The following CEP192 variants were observed in gnomAD, a reference collection of about 807,000 sequenced individuals.
CEP192 encodes centrosomal protein 192, also known as centrosomal protein of 192 kDa.
Under a neutral mutation model 271.8 loss-of-function variants are expected in CEP192, and 151 were observed. The ratio of observed to expected loss-of-function variants is 0.56; its 90% CI spans 0.49 to 0.64. The LOEUF (loss-of-function observed/expected upper bound fraction) is 0.64. Among genes scored for constraint, CEP192 ranks in the 30% least tolerant of loss-of-function variants. CEP192 has a pLI of 0.00. For missense variants in CEP192, 2,910 were observed against 3,020.5 expected, an observed-to-expected ratio of 0.96 and a Z score of 0.86; for synonymous variants, 995 against 1,076.5, an observed-to-expected ratio of 0.92 and a Z score of 1.48.
chr18:13,053,010 G>C lies in CEP192; in HGVS notation c.3109G>C (p.Val1037Leu), dbSNP rs773954388. Residue 1037 changes from valine to leucine, a missense_variant, in exon 18 of 45, where the codon GTG becomes CTG. Val to Leu is a conservative substitution (Grantham distance 32). Transcript: ENST00000506447. ...TCCCTTGGTGTGCTCGCCTGCTGGG[G>C]TGAGCAGGCTGACGTATGTGTCTGA... The part of the protein sequence containing the change: ...LSPLVCSPAG[V>L]SRLTYVSEPE... The C allele has an allele frequency of 3.0e-5, 48 of 1,613,886 alleles. No homozygotes were observed. The East Asian group carries it at 1.0e-3, about 35-fold the overall frequency.
intron 32 of CEP192, chr18:13,088,841 C>T (rs1215057373): frequency 2.3e-6 from 1 of 428,736 alleles, no homozygotes; most frequent in African/African-American, 2.0e-5. Context: ...TGCCTTTGAA[C>T]CTGGTTTTGT....
intron 14 of CEP192, among the ~76,000 whole-genome samples, chr18:13,041,602 G>T (rs2036209381): frequency 1.4e-5 from 2 of 147,052 alleles, no homozygotes. Context: ...TTTTGAGACA[G>T]AGTCTCTCTC....
chr18:13,039,721 T>C (rs1196682502), intron 13 of CEP192, among the ~76,000 whole-genome samples: 3 of 152,102 alleles, frequency 2.0e-5, no homozygotes, highest in Non-Finnish European at 4.4e-5. Flanking sequence ...AGGAAGTGCT[T>C]AGAGGCACAG....
chr18:13,018,122 C>G (rs1405886717), intron 7 of CEP192, among the ~76,000 whole-genome samples: 1 of 152,180 alleles, frequency 6.6e-6, no homozygotes, highest in African/African-American at 2.4e-5. Context: ...TTGCCCTACA[C>G]CGGGAGACGT....
chr18:13,124,932 T>C lies in CEP192; in HGVS notation c.*162T>C. On this transcript the variant is annotated 3_prime_UTR_variant, in exon 45 of 45. Coordinates refer to ENST00000506447, the MANE Select transcript of CEP192 (RefSeq NM_032142.4). ...TAATACTGAAGACTCGACTGAAATA[T>C]TATGTATCTAGCCCATAGTATTGTA... is the stretch of plus-strand genomic sequence containing the variant. 2 of 578,208 alleles carry C rather than the reference T, an allele frequency of 3.5e-6. No individual in the cohort carries two copies. The highest frequency in any genetic ancestry group is 6.0e-6 in the Non-Finnish European group (2 of 331,536). The allele number at this position is 578,208 out of a possible 1,614,324, so 35.8% of individuals were successfully genotyped here.
Position 13,068,853 on chromosome 18 carries a change from T to C in CEP192, c.4824T>C (p.Asp1608=). 1 of 1,614,132 alleles carries C rather than the reference T, an allele frequency of 6.2e-7. No individual in the cohort carries two copies. Among genetic ancestry groups the C allele is most frequent in the Non-Finnish European group, 8.5e-7 (1 of 1,180,018 alleles). Residue 1608 remains aspartate (D), a splice_region_variant and synonymous_variant, in exon 25 of 45, where the codon GAT becomes GAC. Transcript: ENST00000506447. The stretch of plus-strand genomic sequence containing the variant: ...CTAAAAGAATGAACTTTTTTTTAGA[T>C]ATTCTGGACTCAGCAGAAGAATTCT... The part of the protein sequence containing the change: ...HSPKKQISSS[D]ILDSAEEFSA...
In CEP192 at chr18:13,068,857, C is replaced by T. The variant is rs767426277; in HGVS notation, c.4828C>T (p.Leu1610=). 11 of 1,614,068 alleles carry T rather than the reference C, an allele frequency of 6.8e-6. No individual in the cohort carries two copies. In the Admixed American group the frequency reaches 1.8e-4, roughly 27 times the overall value. ...PKKQISSSDI[L]DSAEEFSAKV... is the part of the protein sequence containing the mutation. ...AAGAATGAACTTTTTTTTAGATATT[C>T]TGGACTCAGCAGAAGAATTCTCGGC... is the stretch of plus-strand genomic sequence containing the variant. The change falls in exon 25 of 45, where the codon CTG becomes TTG. Residue 1610 remains leucine, a synonymous_variant. Coordinates refer to ENST00000506447, the MANE Select transcript of CEP192 (RefSeq NM_032142.4).
In CEP192 at chr18:13,037,274, AT is replaced by A; in HGVS notation, c.1575del (p.Phe525LeufsTer13). On this transcript the variant is annotated frameshift_variant, in exon 12 of 45. Coordinates refer to ENST00000506447, the MANE Select transcript of CEP192 (RefSeq NM_032142.4). LOFTEE classifies it high-confidence loss of function. The part of the protein sequence containing the change: ...FDLIAQDEEE[F>X]NKEHQFIQEE... ...ATTTGATTGCACAAGATGAAGAAGAATTTAATAAAGAGCATCAATTTATACA... is the reference window on the plus strand; with the variant it reads ...ATTTGATTGCACAAGATGAAGAAGAATTAATAAAGAGCATCAATTTATACA... 1 of 1,375,948 alleles carries A rather than the reference AT, an allele frequency of 7.3e-7. No homozygotes were observed. The highest frequency in any genetic ancestry group is 1.0e-6 in the Non-Finnish European group (1 of 990,794). The allele number at this position is 1,375,948 out of a possible 1,614,324, so 85.2% of individuals were successfully genotyped here. A position where few individuals can be genotyped will look rare whatever the true frequency, so the allele number is the denominator to read the frequency against.
In CEP192 at chr18:13,100,602, A is replaced by G. The variant is rs931187064; in HGVS notation, c.6871+90A>G. The G allele has an allele frequency of 2.9e-6, 3 of 1,032,462 alleles. No homozygotes were observed. The South Asian group carries it at 4.5e-5, about 16-fold the overall frequency. The allele number at this position is 1,032,462 out of a possible 1,614,324, so 64.0% of individuals were successfully genotyped here. A position where few individuals can be genotyped will look rare whatever the true frequency, so the allele number is the denominator to read the frequency against. On this transcript the variant is annotated intron_variant, in intron 38 of 44. Coordinates refer to ENST00000506447, the MANE Select transcript of CEP192 (RefSeq NM_032142.4). ...TTAGCCATAAGTTGGTGATAAATAT[A>G]AATTTCCTCCTACTTCAGGAGAAAA...
chr18:12,999,094 A>G (rs1027092702), intron 1 of CEP192, among the ~76,000 whole-genome samples: 2 of 152,196 alleles, frequency 1.3e-5, no homozygotes, highest in African/African-American at 4.8e-5. Context: ...GTGTTATGCC[A>G]TCTTTGCTTT....
intron 3 of CEP192, among the ~76,000 whole-genome samples, chr18:13,004,349 G>A (rs2145830762): frequency 6.6e-6 from 1 of 152,160 alleles, no homozygotes; most frequent in African/African-American, 2.4e-5. Context: ...GTGATAATAG[G>A]AATAATCTCC....
chr18:13,084,907 G>A (rs1275625457), intron 30 of CEP192, among the ~76,000 whole-genome samples: 12 of 151,490 alleles, frequency 7.9e-5, no homozygotes, highest in Non-Finnish European at 1.5e-4. Context: ...TCCGCCTCCC[G>A]GGTTCAAGCG....
rs201776134 is a variant in CEP192 at position 13,055,790 on chromosome 18, C to T, written c.3200C>T (p.Thr1067Ile). 14 of 1,555,884 alleles carry T rather than the reference C, an allele frequency of 9.0e-6. No homozygotes were observed. Among genetic ancestry groups the T allele is most frequent in the Non-Finnish European group, 1.1e-5 (13 of 1,154,220 alleles). ...DALEDRKSDI[T>I]SELSTTIIQG... ...TTTTGTTGCACTCAGAGTGATATCACCAGCGAGTTGAGTACCACAATTATT... is the reference window on the plus strand; with the variant it reads ...TTTTGTTGCACTCAGAGTGATATCATCAGCGAGTTGAGTACCACAATTATT... The change falls in exon 19 of 45, where the codon ACC becomes ATC. Residue 1067 changes from threonine to isoleucine, a missense_variant. Coordinates refer to ENST00000506447, the MANE Select transcript of CEP192 (RefSeq NM_032142.4).
At chr18:13,100,066 G>A (rs1288151008) in intron 37 of CEP192, among the ~76,000 whole-genome samples, 2 of 152,192 alleles carry the variant, frequency 1.3e-5, no homozygotes, top group African/African-American at 2.4e-5. Flanking sequence ...AATGGGTGTG[G>A]AGAGTGGAGC....
Position 13,099,550 on chromosome 18 carries a change from T to C in CEP192, c.6632T>C (p.Leu2211Ser). 1.3e-6 allele frequency: 2 copies of C among 1,599,350 alleles called. No individual in the cohort carries two copies. The highest frequency in any genetic ancestry group is 8.5e-7 in the Non-Finnish European group (1 of 1,172,386). The change falls in exon 37 of 45, where the codon TTG becomes TCG. Residue 2211 changes from leucine (L) to serine (S), a missense_variant. Leu to Ser is a moderately radical substitution (Grantham distance 145, BLOSUM62 -2). Coordinates refer to ENST00000506447, the MANE Select transcript of CEP192 (RefSeq NM_032142.4). Reference sequence around the variant, plus strand: ...CAGTCAATGTTCCCGTGGAGTGGTTTGATCTATATACACTGTGACGATGGA... The same window carrying C: ...CAGTCAATGTTCCCGTGGAGTGGTTCGATCTATATACACTGTGACGATGGA... ...TKQSMFPWSGLIYIHCDDGQK... is the reference protein window; with the variant it reads ...TKQSMFPWSGSIYIHCDDGQK...
chr18:13,036,639 C>CCT (rs150841431), intron 11 of CEP192, among the ~76,000 whole-genome samples: 5,499 of 152,312 alleles, frequency 0.036, 315 homozygotes, highest in African/African-American at 0.12. Flanking sequence ...TGGCCCTGGC[C>CCT]CTCTTTGCCC....
At chr18:13,018,993 T>C in intron 8 of CEP192, 89 bp from the exon 9 acceptor site, 1 of 1,283,744 alleles carries the variant, frequency 7.8e-7, no homozygotes, top group Non-Finnish European at 1.0e-6. Context: ...TAGGGTTACA[T>C]AAAATAATTT....
intron 3 of CEP192, 42 bp from the exon 4 acceptor site, chr18:13,008,414 G>A (rs1159598201): frequency 3.0e-6 from 4 of 1,316,830 alleles, no homozygotes; most frequent in Middle Eastern, 2.4e-4. Flanking sequence ...TTTACCCAAG[G>A]TAACTAACAT....
At chr18:13,051,793 T>G (rs2036808889) in intron 17 of CEP192, among the ~76,000 whole-genome samples, 1 of 152,208 alleles carries the variant, frequency 6.6e-6, no homozygotes, top group Non-Finnish European at 1.5e-5. Flanking sequence ...TCCACCCTCC[T>G]CGGCCTCCCA....
Sources: allele counts gnomAD v4.1 joint callset (sites outside exome capture counted in the v4.1 genomes callset), GRCh38; gene constraint gnomAD v4.1.1; transcripts MANE v1.5; gene names NCBI Gene and HGNC (gene_info 2026-07-23, HGNC 2026-07-21).